Variants in ATP13A4 observed in about 807,000 individuals in gnomAD.
The protein encoded by ATP13A4 is probable cation-transporting ATPase 13A4.
ATP13A4 carries 114 observed loss-of-function variants against 142.5 expected under a neutral mutation model. The ratio of observed to expected loss-of-function variants is 0.80; its 90% CI spans 0.69 to 0.93. The LOEUF (loss-of-function observed/expected upper bound fraction) is 0.93, where lower values mean the gene tolerates loss of function less well. ATP13A4 is among the 40% of genes least tolerant of loss of function. The pLI, the probability that ATP13A4 is intolerant of heterozygous loss-of-function variation, is 0.00. For missense variants in ATP13A4, 1,392 were observed against 1,454.0 expected, an observed-to-expected ratio of 0.96 and a Z score of 0.69; for synonymous variants, 488 against 514.8, an observed-to-expected ratio of 0.95 and a Z score of 0.70.
chr3:193,480,563 C>G (rs765701271), intron 8 of ATP13A4, among the ~76,000 whole-genome samples: 4 of 152,062 alleles, frequency 2.6e-5, no homozygotes, highest in Non-Finnish European at 4.4e-5. Flanking sequence ...AAATGCAAAT[C>G]AAAACCACAA....
At chr3:193,551,917 G>A (rs1348910587) in intron 1 of ATP13A4, among the ~76,000 whole-genome samples, 3 of 151,942 alleles carry the variant, frequency 2.0e-5, no homozygotes, top group Non-Finnish European at 4.4e-5. Context: ...GGTCACCTAG[G>A]GTTGCTCTTT....
At position 193,400,404 on chromosome 3, in the gene ATP13A4, C is replaced by A. The variant is rs1400817255; in HGVS notation, c.*2248G>T. On this transcript the variant is annotated 3_prime_UTR_variant, in exon 30 of 30. Transcript: ENST00000342695. ...CAACTCAAAGTCTCAGAAAGACAGA[C>A]AATCATTTTTTTGTTTTGTTTTGTT... Among the ~76,000 whole-genome samples, 1 of 152,188 alleles carries A rather than the reference C, an allele frequency of 6.6e-6. No individual in the cohort carries two copies. The highest frequency in any genetic ancestry group is 2.4e-5 in the African/African-American group (1 of 41,446).
intron 8 of ATP13A4, 49 bp downstream of exon 8, chr3:193,483,887 T>C: frequency 7.3e-7 from 1 of 1,367,488 alleles, no homozygotes; most frequent in Non-Finnish European, 1.0e-6. Flanking sequence ...TTTAAATTCT[T>C]TTCTGATTCC....
At chr3:193,449,431 C>T (rs541563884) in intron 17 of ATP13A4, among the ~76,000 whole-genome samples, 39 of 152,308 alleles carry the variant, frequency 2.6e-4, no homozygotes, top group African/African-American at 8.7e-4. Flanking sequence ...CATGAACTAG[C>T]GTTAGTGATG....
intron 2 of ATP13A4, among the ~76,000 whole-genome samples, chr3:193,580,796 A>T (rs974136309): frequency 6.6e-6 from 1 of 152,208 alleles, no homozygotes; most frequent in African/African-American, 2.4e-5. Context: ...AAGATTATAA[A>T]TTGTAAGAGG....
At chr3:193,441,822 G>T (rs1170906651) in intron 19 of ATP13A4, among the ~76,000 whole-genome samples, 2 of 152,134 alleles carry the variant, frequency 1.3e-5, no homozygotes, top group East Asian at 1.9e-4. Context: ...TTTGATCTTG[G>T]TGAGTCCCAG....
intron 14 of ATP13A4, 67 bp from the exon 15 acceptor site, chr3:193,457,532 G>A: frequency 6.9e-7 from 1 of 1,448,768 alleles, no homozygotes; most frequent in Non-Finnish European, 9.7e-7. Context: ...TGCTATGCTT[G>A]AACCCTCCCC....
chr3:193,527,814 T>C (rs1023347232), intron 1 of ATP13A4, among the ~76,000 whole-genome samples: 5 of 152,166 alleles, frequency 3.3e-5, no homozygotes, highest in Non-Finnish European at 7.4e-5. Context: ...AGTGTGAAAC[T>C]GGACTAATAC....
At chr3:193,554,368 C>A (rs1176217523) in intron 1 of ATP13A4, 3 of 331,372 alleles carry the variant, frequency 9.1e-6, no homozygotes, top group East Asian at 7.7e-5. Context: ...AGGGAATACA[C>A]TGCTCCTCAC....
intron 1 of ATP13A4, among the ~76,000 whole-genome samples, chr3:193,518,089 A>G (rs1034277309): frequency 1.3e-5 from 2 of 152,352 alleles, no homozygotes; most frequent in African/African-American, 2.4e-5. Context: ...ATAAAAATTA[A>G]GATTTCTACT....
chr3:193,494,464 A>G (rs919429146), intron 3 of ATP13A4, among the ~76,000 whole-genome samples: 3 of 152,056 alleles, frequency 2.0e-5, no homozygotes, highest in Admixed American at 6.6e-5. Context: ...TCACTAAGGA[A>G]GCAAGAAAAA....
chr3:193,454,027 A>C (rs1309650350), intron 17 of ATP13A4, 74 bp downstream of exon 17: 3 of 1,274,460 alleles, frequency 2.4e-6, no homozygotes, highest in Non-Finnish European at 3.4e-6. Flanking sequence ...ATCCCAGTCT[A>C]ATGCACTTGA....
At chr3:193,503,239 G>T (rs902850075) in intron 2 of ATP13A4, among the ~76,000 whole-genome samples, 1 of 152,158 alleles carries the variant, frequency 6.6e-6, no homozygotes, top group Non-Finnish European at 1.5e-5. Flanking sequence ...TGAATCCATG[G>T]ACTGAACCTG....
chr3:193,515,180 T>C (rs1309510669), intron 1 of ATP13A4, among the ~76,000 whole-genome samples: 1 of 152,204 alleles, frequency 6.6e-6, no homozygotes, highest in Non-Finnish European at 1.5e-5. Context: ...CTCCCAATCA[T>C]GCCTATCCCT....
intron 13 of ATP13A4, 31 bp from the exon 14 acceptor site, chr3:193,459,262 C>T: frequency 6.2e-7 from 1 of 1,613,668 alleles, no homozygotes; most frequent in South Asian, 1.1e-5. Context: ...GGTTTCCATT[C>T]CATCGCCTCA....
At chr3:193,561,501 G>A (rs1724016527) in intron 2 of ATP13A4, among the ~76,000 whole-genome samples, 1 of 152,222 alleles carries the variant, frequency 6.6e-6, no homozygotes, top group Non-Finnish European at 1.5e-5. Context: ...TTTGAGAGAG[G>A]GGTGAAACTG....
At chr3:193,528,000 G>T (rs1221551436) in intron 1 of ATP13A4, among the ~76,000 whole-genome samples, 4 of 152,172 alleles carry the variant, frequency 2.6e-5, no homozygotes, top group African/African-American at 9.7e-5. Context: ...GCACGTCTAA[G>T]GTCATAACTC....
intron 1 of ATP13A4, among the ~76,000 whole-genome samples, chr3:193,534,218 C>T (rs1169806768): frequency 6.6e-6 from 1 of 152,138 alleles, no homozygotes; most frequent in Non-Finnish European, 1.5e-5. Flanking sequence ...TGAGGCAGTG[C>T]CATATTCTTC....
intron 17 of ATP13A4, among the ~76,000 whole-genome samples, chr3:193,452,607 T>C (rs1006619537): frequency 9.3e-5 from 14 of 149,796 alleles, no homozygotes; most frequent in Non-Finnish European, 1.6e-4. Context: ...TGCAAGACTT[T>C]CTGCAAAGAC....
Sources: gnomAD v4.1 joint callset for allele counts (sites outside exome capture counted in the v4.1 genomes callset) on GRCh38, gnomAD v4.1.1 for gene constraint, MANE v1.5 for transcripts, NCBI Gene and HGNC (gene_info 2026-07-23, HGNC 2026-07-21) for gene names.